PCDH15: variants seen among roughly 807,000 people sequenced by gnomAD.
PCDH15 encodes the protein protocadherin-15.
PCDH15 carries 129 observed loss-of-function variants against 178.5 expected under a neutral mutation model. The ratio of observed to expected loss-of-function variants is 0.72; its 90% CI spans 0.63 to 0.84. The LOEUF is 0.84. PCDH15 is among the 40% of genes least tolerant of loss of function. PCDH15 has a pLI of 0.00. For missense variants in PCDH15, 2,230 were observed against 2,099.9 expected, an observed-to-expected ratio of 1.06 and a Z score of -1.21; for synonymous variants, 800 against 732.0, an observed-to-expected ratio of 1.09 and a Z score of -1.50.
At chr10:55,578,867 A>G (rs922347074) in intron 2 of PCDH15, among the ~76,000 whole-genome samples, 3 of 152,142 alleles carry the variant, frequency 2.0e-5, no homozygotes, top group African/African-American at 7.2e-5. Flanking sequence ...CTATCATGAG[A>G]ACAGCAGGGG....
chr10:54,605,709 A>T (rs2092713602), intron 2 of PCDH15: 1 of 152,118 alleles, frequency 6.6e-6, no homozygotes, highest in African/African-American at 2.4e-5. Flanking sequence ...CTGGGTGTAT[A>T]ATCTGCTCAT....
chr10:55,349,111 T>C (rs1844840444), intron 2 of PCDH15, among the ~76,000 whole-genome samples: 1 of 152,130 alleles, frequency 6.6e-6, no homozygotes, highest in African/African-American at 2.4e-5. Context: ...TGATGCATTC[T>C]CTACTGGATT....
chr10:55,510,110 A>G (rs1247774509), intron 2 of PCDH15, among the ~76,000 whole-genome samples: 1 of 151,986 alleles, frequency 6.6e-6, no homozygotes, highest in Non-Finnish European at 1.5e-5. Context: ...TCTGCTAGAT[A>G]TGTGTTAAAA....
At chr10:54,344,361 C>A (rs979011904) in intron 6 of PCDH15, among the ~76,000 whole-genome samples, 1 of 152,170 alleles carries the variant, frequency 6.6e-6, no homozygotes. Context: ...CAAACCTACA[C>A]TTCCCTGGAA....
chr10:54,872,727 A>G (rs61854479), intron 3 of PCDH15, among the ~76,000 whole-genome samples: 18 of 152,116 alleles, frequency 1.2e-4, no homozygotes, highest in Non-Finnish European at 5.9e-5. Flanking sequence ...GATTTTTGTC[A>G]CTGGGAGCCA....
At chr10:54,160,609 A>G (rs2045610679) in intron 13 of PCDH15, among the ~76,000 whole-genome samples, 2 of 152,200 alleles carry the variant, frequency 1.3e-5, no homozygotes, top group South Asian at 4.1e-4. Flanking sequence ...AGAACATGAT[A>G]CATAAAATAC....
intron 29 of PCDH15, among the ~76,000 whole-genome samples, chr10:53,838,527 A>T (rs2077445708): frequency 6.6e-6 from 1 of 152,000 alleles, no homozygotes; most frequent in Non-Finnish European, 1.5e-5. Flanking sequence ...CCATTATTTT[A>T]CTCTTTAAAG....
chr10:54,168,016 C>G (rs529728092), intron 13 of PCDH15, among the ~76,000 whole-genome samples: 5 of 151,518 alleles, frequency 3.3e-5, no homozygotes, highest in African/African-American at 1.2e-4. Flanking sequence ...CTATAGGCAA[C>G]CTTCCACCCT....
chr10:54,198,338 A>G (rs530340247), intron 10 of PCDH15, among the ~76,000 whole-genome samples: 1 of 152,128 alleles, frequency 6.6e-6, no homozygotes, highest in South Asian at 2.1e-4. Context: ...TAATTGGTCC[A>G]TATGGGCTTC....
chr10:54,704,463 AAAAC>A (rs556463588), intron 1 of PCDH15, among the ~76,000 whole-genome samples: 155 of 152,262 alleles, frequency 1.0e-3, no homozygotes, highest in African/African-American at 2.0e-3. Flanking sequence ...ATTAAGAAGC[AAAAC>A]AAACAAACAA....
At chr10:55,428,229 A>G (rs1838802945) in intron 2 of PCDH15, among the ~76,000 whole-genome samples, 1 of 151,994 alleles carries the variant, frequency 6.6e-6, no homozygotes, top group African/African-American at 2.4e-5. Flanking sequence ...ATAATTTGTC[A>G]TCTACCTATC....
At chr10:54,745,657 T>G (rs1945364813) in intron 1 of PCDH15, among the ~76,000 whole-genome samples, 1 of 152,194 alleles carries the variant, frequency 6.6e-6, no homozygotes, top group South Asian at 2.1e-4. Context: ...AAACAGTTTT[T>G]AATCAGTTAA....
At chr10:54,641,600 A>G (rs2093990302) in intron 2 of PCDH15, among the ~76,000 whole-genome samples, 1 of 149,862 alleles carries the variant, frequency 6.7e-6, no homozygotes, top group South Asian at 2.1e-4. Flanking sequence ...ACACACACAC[A>G]CACACACTGC....
chr10:53,885,454 C>G (rs191551369), intron 26 of PCDH15, among the ~76,000 whole-genome samples: 1 of 152,232 alleles, frequency 6.6e-6, no homozygotes, highest in African/African-American at 2.4e-5. Context: ...TATACTGATA[C>G]TGCTTGAAGA....
intron 15 of PCDH15, among the ~76,000 whole-genome samples, chr10:54,105,825 C>CAAAA (rs557320660): frequency 1.3e-5 from 2 of 151,992 alleles, no homozygotes; most frequent in African/African-American, 4.8e-5. Flanking sequence ...TGTTCACACA[C>CAAAA]AAAAATATAT....
intron 2 of PCDH15, among the ~76,000 whole-genome samples, chr10:54,937,968 T>C (rs1246733893): frequency 4.6e-5 from 7 of 152,078 alleles, no homozygotes; most frequent in African/African-American, 7.2e-5. Flanking sequence ...AGTAAGAGGA[T>C]TCTCTTAGTT....
chr10:54,921,901 C>G (rs1039604926), intron 2 of PCDH15, among the ~76,000 whole-genome samples: 3 of 152,134 alleles, frequency 2.0e-5, no homozygotes, highest in Non-Finnish European at 2.9e-5. Context: ...AGGCAAGCAC[C>G]TCTCCTGCTC....
intron 28 of PCDH15, among the ~76,000 whole-genome samples, chr10:53,847,036 C>A (rs1163084279): frequency 6.6e-6 from 1 of 151,994 alleles, no homozygotes; most frequent in Non-Finnish European, 1.5e-5. Flanking sequence ...TAAAATTAAA[C>A]CTCCATTATT....
At chr10:55,465,124 A>T (rs1839805163) in intron 2 of PCDH15, among the ~76,000 whole-genome samples, 1 of 152,030 alleles carries the variant, frequency 6.6e-6, no homozygotes, top group Non-Finnish European at 1.5e-5. Context: ...CAGGGTGTGT[A>T]TGCACACACA....
Sources: allele counts gnomAD v4.1 joint callset (sites outside exome capture counted in the v4.1 genomes callset), GRCh38; gene constraint gnomAD v4.1.1; transcripts MANE v1.5; gene names NCBI Gene and HGNC (gene_info 2026-07-23, HGNC 2026-07-21).